The following STOX2 variants were observed in gnomAD, a reference collection of about 807,000 sequenced individuals.
The protein encoded by STOX2 is storkhead-box protein 2.
A neutral mutation model predicts 60.9 loss-of-function variants in STOX2; 28 were observed. That is an observed-to-expected ratio of 0.46 (90% confidence interval 0.34 to 0.63). The LOEUF (loss-of-function observed/expected upper bound fraction) is 0.63. Among genes scored for constraint, STOX2 ranks in the 30% least tolerant of loss-of-function variants. The pLI is 0.01. For synonymous variants in STOX2, 472 were observed against 463.9 expected (o/e 1.02, Z -0.22); for missense variants, 1,024 against 1,187.7 (o/e 0.86, Z 2.03).
At chr4:184,017,063 A>C (rs1244642589) in intron 3 of STOX2, 26 bp from the exon 4 acceptor site, 1 of 1,563,212 alleles carries the variant, frequency 6.4e-7, no homozygotes, top group African/African-American at 1.4e-5. Flanking sequence ...CAAACAAAAC[A>C]AAACAAACCC....
intron 1 of STOX2, among the ~76,000 whole-genome samples, chr4:183,952,297 T>C (rs1391758149): frequency 1.3e-5 from 2 of 152,252 alleles, no homozygotes. Flanking sequence ...ATTCATATAC[T>C]ATTCTTCTAA....
At chr4:183,902,444 C>G (rs567399863), upstream of STOX2, among the ~76,000 whole-genome samples, 11 of 152,206 alleles carry the variant, frequency 7.2e-5, no homozygotes, top group Non-Finnish European at 1.3e-4. Context: ...GCTATAAAAT[C>G]GATTTGCTTT....
chr4:183,949,558 C>T (rs1383704747), intron 1 of STOX2, among the ~76,000 whole-genome samples: 3 of 151,934 alleles, frequency 2.0e-5, no homozygotes, highest in East Asian at 1.9e-4. Context: ...ATTAGCTGGG[C>T]GTGGTGGCAG....
intron 1 of STOX2, among the ~76,000 whole-genome samples, chr4:183,998,097 T>G (rs1439686912): frequency 2.0e-5 from 3 of 152,238 alleles, no homozygotes; most frequent in Non-Finnish European, 4.4e-5. Context: ...CTGGAAATAG[T>G]CCGGCCTGCA....
intron 1 of STOX2, among the ~76,000 whole-genome samples, chr4:183,975,902 C>T (rs1732427834): frequency 6.6e-6 from 1 of 152,150 alleles, no homozygotes; most frequent in Non-Finnish European, 1.5e-5. Flanking sequence ...CTCTTAGGAA[C>T]ATAGATGCAG....
intron 1 of STOX2, among the ~76,000 whole-genome samples, chr4:183,928,228 C>A (rs865922274): frequency 2.6e-4 from 38 of 146,170 alleles, no homozygotes; most frequent in African/African-American, 9.6e-4. Flanking sequence ...CGGGGGGGGG[C>A]ATTTTGTATC....
intron 1 of STOX2, among the ~76,000 whole-genome samples, chr4:183,953,756 G>A (rs1743164175): frequency 1.3e-5 from 2 of 151,898 alleles, no homozygotes; most frequent in Non-Finnish European, 2.9e-5. Context: ...AGTAGAGACG[G>A]GATTTCACCA....
At chr4:183,978,407 G>A (rs1268358713) in intron 1 of STOX2, among the ~76,000 whole-genome samples, 1 of 152,114 alleles carries the variant, frequency 6.6e-6, no homozygotes, top group African/African-American at 2.4e-5. Flanking sequence ...AGATTAGTTG[G>A]TTGTAGTTAT....
intron 1 of STOX2, among the ~76,000 whole-genome samples, chr4:183,920,924 T>C (rs1242763660): frequency 6.6e-6 from 1 of 152,216 alleles, no homozygotes; most frequent in Non-Finnish European, 1.5e-5. Flanking sequence ...ACAACAAAAT[T>C]TGAAACATCA....
At chr4:183,986,173 G>A (rs1732834876) in intron 1 of STOX2, among the ~76,000 whole-genome samples, 1 of 152,188 alleles carries the variant, frequency 6.6e-6, no homozygotes, top group African/African-American at 2.4e-5. Context: ...GGATGAGAAT[G>A]TATAAATAAA....
intron 1 of STOX2, among the ~76,000 whole-genome samples, chr4:183,855,971 G>A (rs1182853616): frequency 2.0e-5 from 3 of 152,194 alleles, no homozygotes; most frequent in Non-Finnish European, 2.9e-5. Flanking sequence ...CAGCTGCTCT[G>A]GTTTGGGTCA....
intron 1 of STOX2, among the ~76,000 whole-genome samples, chr4:183,964,801 C>G (rs1743514616): frequency 6.6e-6 from 1 of 152,134 alleles, no homozygotes; most frequent in African/African-American, 2.4e-5. Context: ...CCAGGCTGGT[C>G]TCAAACTCCC....
Position 184,009,671 on chromosome 4 carries a change from A to T in STOX2, c.833A>T (p.Asp278Val), listed in dbSNP as rs1230894709. 1.9e-6 allele frequency: 3 copies of T among 1,613,854 alleles called. No individual in the cohort carries two copies. Among genetic ancestry groups the T allele is most frequent in the Non-Finnish European group, 2.5e-6 (3 of 1,179,888 alleles). ...TTATTCCGGTTAAGTTTTAAAAAAG[A>T]CAAGACCAAACAGCTGGCCAATTTT... ...LKLFRLSFKK[D>V]KTKQLANFSA... Residue 278 changes from aspartate (D) to valine (V), a missense_variant, in exon 3 of 4, where the codon GAC (aspartate) becomes GTC (valine). Transcript: ENST00000308497. The surrounding 1 kb of genome is among the most constrained non-coding windows in gnomAD (Gnocchi z 4.0).
intron 1 of STOX2, among the ~76,000 whole-genome samples, chr4:183,914,952 C>T (rs2111092586): frequency 6.6e-6 from 1 of 152,320 alleles, no homozygotes; most frequent in South Asian, 2.1e-4. Flanking sequence ...GGTCTGAAAA[C>T]AGAGCTCTGC....
intron 1 of STOX2, among the ~76,000 whole-genome samples, chr4:183,863,503 G>C (rs1740497246): frequency 6.6e-6 from 1 of 152,204 alleles, no homozygotes; most frequent in Non-Finnish European, 1.5e-5. Flanking sequence ...GAAGACTCTG[G>C]ATGAATGGAG....
At chr4:183,867,183 T>C (rs1012673996) in intron 1 of STOX2, among the ~76,000 whole-genome samples, 4 of 152,196 alleles carry the variant, frequency 2.6e-5, no homozygotes, top group East Asian at 1.9e-4. Context: ...CTATTACCCA[T>C]GTGGGCACAC....
At chr4:183,805,555 C>A (rs1440380001) in intron 1 of STOX2, among the ~76,000 whole-genome samples, 1 of 152,200 alleles carries the variant, frequency 6.6e-6, no homozygotes, top group Non-Finnish European at 1.5e-5. Context: ...CGCCTATAAT[C>A]CCAGCACTTT....
intron 1 of STOX2, among the ~76,000 whole-genome samples, chr4:183,812,314 A>G (rs9993119): frequency 0.27 from 41,599 of 152,122 alleles, 6,644 homozygotes; most frequent in African/African-American, 0.45. Context: ...GCAAATTTGC[A>G]TGTAATTTGA....
chr4:184,015,647 A>G (rs1734337947), intron 3 of STOX2: 1 of 152,240 alleles, frequency 6.6e-6, no homozygotes, highest in African/African-American at 2.4e-5. Flanking sequence ...GTCAGAGTAC[A>G]GGATTCAAAG....
Sources: allele counts gnomAD v4.1 joint callset (sites outside exome capture counted in the v4.1 genomes callset), GRCh38; gene constraint gnomAD v4.1.1; non-coding constraint Gnocchi (gnomAD v3.1); transcripts MANE v1.5; gene names NCBI Gene and HGNC (gene_info 2026-07-23, HGNC 2026-07-21).